GTF2F2: variants seen among roughly 807,000 people sequenced by gnomAD.
The protein encoded by GTF2F2 is general transcription factor IIF subunit 2.
Under a neutral mutation model 42.2 loss-of-function variants are expected in GTF2F2, and 23 were observed. The ratio of observed to expected loss-of-function variants is 0.55; its 90% CI spans 0.39 to 0.77. The LOEUF is 0.77. GTF2F2 is among the 30% of genes least tolerant of loss of function. The pLI, the probability that GTF2F2 is intolerant of heterozygous loss-of-function variation, is 0.00. For missense variants in GTF2F2, 261 were observed against 287.2 expected, an observed-to-expected ratio of 0.91 and a Z score of 0.66; for synonymous variants, 105 against 100.8, an observed-to-expected ratio of 1.04 and a Z score of -0.25.
intron 5 of GTF2F2, among the ~76,000 whole-genome samples, chr13:45,244,614 A>T (rs1475013531): frequency 6.6e-6 from 1 of 152,228 alleles, no homozygotes; most frequent in East Asian, 1.9e-4. Context: ...TAATAGTAAC[A>T]AAGCTATTTA....
intron 5 of GTF2F2, among the ~76,000 whole-genome samples, chr13:45,230,977 G>A (rs1179927666): frequency 6.6e-6 from 1 of 151,910 alleles, no homozygotes; most frequent in African/African-American, 2.4e-5. Context: ...TATGTAGAAT[G>A]CTAGATAATT....
intron 2 of GTF2F2, among the ~76,000 whole-genome samples, chr13:45,138,257 T>G (rs554402883): frequency 7.9e-5 from 12 of 152,304 alleles, no homozygotes; most frequent in African/African-American, 2.9e-4. Flanking sequence ...GTGTTCTCAT[T>G]TGGTCTCATG....
intron 4 of GTF2F2, among the ~76,000 whole-genome samples, chr13:45,175,580 G>A (rs1871836555): frequency 6.6e-6 from 1 of 152,124 alleles, no homozygotes; most frequent in Non-Finnish European, 1.5e-5. Flanking sequence ...ATCCAAATAT[G>A]TGTGTACTCT....
At chr13:45,207,005 A>ACACACACACACAC (rs1873440744) in intron 4 of GTF2F2, 2 of 139,196 alleles carry the variant, frequency 1.4e-5, no homozygotes, top group African/African-American at 5.2e-5. Flanking sequence ...CACATACACA[A>ACACACACACACAC]ACACACACAC....
Position 45,161,791 on chromosome 13 carries a change from C to T in GTF2F2, c.304+9960C>T, listed in dbSNP as rs900707903. On this transcript the variant is annotated intron_variant, in intron 4 of 7. Transcript: ENST00000340473. ...CCAGGAGGCAGAGGTTGCAGTGAGC[C>T]GAGATCATGCCATTGCACTCCAGCC... is the stretch of plus-strand genomic sequence containing the variant. Among the ~76,000 whole-genome samples, 11 of 152,062 alleles carry T rather than the reference C, an allele frequency of 7.2e-5. 1 individual carries two copies. The highest frequency in any genetic ancestry group is 3.9e-4 in the Admixed American group (6 of 15,266).
chr13:45,267,377 G>T lies in GTF2F2; in HGVS notation c.630+1G>T. The T allele has an allele frequency of 6.3e-7, 1 of 1,594,944 alleles. No individual in the cohort carries two copies. ...GGTGGACATCACAAAGCAACCTGTG[G>T]TATGTATATGTTCATACTGATCCTT... On this transcript the variant is annotated splice_donor_variant, in intron 7 of 7. Coordinates refer to ENST00000340473, the MANE Select transcript of GTF2F2 (RefSeq NM_004128.3). LOFTEE classifies it high-confidence loss of function.
At chr13:45,162,011 T>A (rs2138133015) in intron 4 of GTF2F2, among the ~76,000 whole-genome samples, 1 of 152,322 alleles carries the variant, frequency 6.6e-6, no homozygotes, top group Non-Finnish European at 1.5e-5. Flanking sequence ...ACAACCTGTC[T>A]TTGTATTTAC....
At chr13:45,146,834 A>G (rs1398937188) in intron 2 of GTF2F2, among the ~76,000 whole-genome samples, 3 of 152,212 alleles carry the variant, frequency 2.0e-5, no homozygotes, top group Non-Finnish European at 4.4e-5. Flanking sequence ...ATAGCACTGT[A>G]TTGTACAATA....
chr13:45,154,365 C>G lies in GTF2F2; in HGVS notation c.304+2534C>G, dbSNP rs183381853. 2.5e-3 allele frequency among the ~76,000 whole-genome samples: 379 copies of G among 152,256 alleles called. 1 individual carries two copies. The highest frequency in any genetic ancestry group is 8.1e-3 in the African/African-American group (337 of 41,546). The stretch of plus-strand genomic sequence containing the variant: ...TTTAAAAATACTTCAGTGTTGTGCT[C>G]TTTTTGAACATTTCGTGTTCACGTT... On this transcript the variant is annotated intron_variant, in intron 4 of 7. Transcript: ENST00000340473.
At position 45,231,264 on chromosome 13, in the gene GTF2F2, C is replaced by T. The variant is rs528763461; in HGVS notation, c.387-21607C>T. Among the ~76,000 whole-genome samples the T allele has an allele frequency of 4.6e-5, 7 of 152,104 alleles. No homozygotes were observed. The South Asian group carries it at 8.3e-4, about 18-fold the overall frequency. On this transcript the variant is annotated intron_variant, in intron 5 of 7. Coordinates refer to ENST00000340473, the MANE Select transcript of GTF2F2 (RefSeq NM_004128.3). The stretch of plus-strand genomic sequence containing the variant: ...CTGGGACTACAGGCGTATGCTACCA[C>T]GCCCAGCTAATTTTTGTATTTTTAG...
At chr13:45,168,816 C>G (rs1871431891) in intron 4 of GTF2F2, among the ~76,000 whole-genome samples, 2 of 149,288 alleles carry the variant, frequency 1.3e-5, no homozygotes, top group African/African-American at 2.5e-5. Flanking sequence ...TCCTTCCTTC[C>G]TTCCTTCCTT....
chr13:45,120,929 C>T (rs1322277550), intron 1 of GTF2F2, among the ~76,000 whole-genome samples: 1 of 152,180 alleles, frequency 6.6e-6, no homozygotes, highest in Non-Finnish European at 1.5e-5. Flanking sequence ...CAGCCAGTTA[C>T]TACTCTGAAT....
At chr13:45,221,297 A>T (rs1874102890) in intron 5 of GTF2F2, among the ~76,000 whole-genome samples, 1 of 152,178 alleles carries the variant, frequency 6.6e-6, no homozygotes, top group Non-Finnish European at 1.5e-5. Flanking sequence ...GTACCAACAC[A>T]ATACACCCTG....
chr13:45,226,693 A>G (rs1342828989), intron 5 of GTF2F2, among the ~76,000 whole-genome samples: 5 of 152,086 alleles, frequency 3.3e-5, no homozygotes, highest in African/African-American at 1.2e-4. Flanking sequence ...TTTGCTCTAA[A>G]TTTATAAAAT....
At chr13:45,273,516 G>T (rs1048918200) in intron 7 of GTF2F2, among the ~76,000 whole-genome samples, 4 of 151,890 alleles carry the variant, frequency 2.6e-5, no homozygotes, top group African/African-American at 9.7e-5. Flanking sequence ...AACAAAATTT[G>T]GTATTTATTT....
At chr13:45,168,995 C>A (rs1209990020) in intron 4 of GTF2F2, among the ~76,000 whole-genome samples, 1 of 148,710 alleles carries the variant, frequency 6.7e-6, no homozygotes, top group Non-Finnish European at 1.5e-5. Context: ...CCCTCCTTCC[C>A]TCTTTCCCTC....
intron 4 of GTF2F2, among the ~76,000 whole-genome samples, chr13:45,159,069 G>C (rs1687392875): frequency 6.6e-6 from 1 of 152,106 alleles, no homozygotes; most frequent in South Asian, 2.1e-4. Context: ...TGGCTAATCA[G>C]ATTAGCTTAG....
chr13:45,164,736 A>T (rs908971451), intron 4 of GTF2F2, among the ~76,000 whole-genome samples: 6 of 152,174 alleles, frequency 3.9e-5, no homozygotes, highest in African/African-American at 7.2e-5. Context: ...GAAAAAAAAA[A>T]TAGTAGTTCC....
chr13:45,244,126 T>A lies in GTF2F2; in HGVS notation c.387-8745T>A, dbSNP rs145801388. 2.8e-3 allele frequency among the ~76,000 whole-genome samples: 430 copies of A among 152,336 alleles called. 1 individual carries two copies. The highest frequency in any genetic ancestry group is 3.3e-3 in the Non-Finnish European group (227 of 68,036). ...CACTGAGTTACTAGGAGTCTTTTTT[T>A]TCAGTGTTATAAAGGAGAATGTGCT... On this transcript the variant is annotated intron_variant, in intron 5 of 7. Transcript: ENST00000340473.
Sources: allele counts gnomAD v4.1 joint callset (sites outside exome capture counted in the v4.1 genomes callset), GRCh38; gene constraint gnomAD v4.1.1; transcripts MANE v1.5; gene names NCBI Gene and HGNC (gene_info 2026-07-23, HGNC 2026-07-21).